Variants in EVC2 observed in about 807,000 individuals in gnomAD.
EVC2 encodes the protein limbin.
Under a neutral mutation model 149.3 loss-of-function variants are expected in EVC2, and 148 were observed. That is an observed-to-expected ratio of 0.99 (90% CI 0.87 to 1.14). The LOEUF (loss-of-function observed/expected upper bound fraction) is 1.14, where lower values mean the gene tolerates loss of function less well. Ranked by LOEUF, EVC2 falls within the 50% of genes most tolerant of loss-of-function variation. EVC2 has a pLI of 0.00. For missense variants in EVC2, 1,854 were observed against 1,627.3 expected, an observed-to-expected ratio of 1.14 and a Z score of -2.40; for synonymous variants, 776 against 649.9, an observed-to-expected ratio of 1.19 and a Z score of -2.95.
rs140553628 is a variant in EVC2 at position 5,581,435 on chromosome 4, G to A, written c.3057+3188C>T. 5.1e-3 allele frequency among the ~76,000 whole-genome samples: 771 copies of A among 152,306 alleles called. 8 individuals are homozygous for A. Among genetic ancestry groups the A allele is most frequent in the African/African-American group, 0.017 (725 of 41,554 alleles). ...TCAGATGGAGATGAGGAACTCATTGGGAACTGCAGTAAAGGTCACTTTTGC... is the reference window on the plus strand; with the variant it reads ...TCAGATGGAGATGAGGAACTCATTGAGAACTGCAGTAAAGGTCACTTTTGC... On this transcript the variant is annotated intron_variant, in intron 17 of 21. Transcript: ENST00000344408.
intron 4 of EVC2, among the ~76,000 whole-genome samples, chr4:5,690,345 C>T (rs1162760784): frequency 1.3e-5 from 2 of 152,064 alleles, no homozygotes; most frequent in Non-Finnish European, 2.9e-5. Context: ...TTGAGCAGCT[C>T]CTGAAAGATA....
chr4:5,609,507 A>G (rs534522819), intron 16 of EVC2, among the ~76,000 whole-genome samples: 27 of 152,346 alleles, frequency 1.8e-4, no homozygotes, highest in African/African-American at 6.3e-4. Flanking sequence ...AAAAGGTCAC[A>G]GATGACAAAT....
intron 16 of EVC2, among the ~76,000 whole-genome samples, chr4:5,596,439 G>C (rs1025712263): frequency 6.6e-6 from 1 of 151,982 alleles, no homozygotes; most frequent in Non-Finnish European, 1.5e-5. Flanking sequence ...TCAACTACAG[G>C]GAAACTGAAC....
intron 2 of EVC2, among the ~76,000 whole-genome samples, chr4:5,697,012 A>G (rs1038070907): frequency 6.6e-6 from 1 of 152,226 alleles, no homozygotes; most frequent in Non-Finnish European, 1.5e-5. Context: ...GACAGACAGA[A>G]GAGAAGAAGG....
chr4:5,668,221 T>C (rs1429898442), intron 7 of EVC2, among the ~76,000 whole-genome samples: 8 of 152,182 alleles, frequency 5.3e-5, no homozygotes, highest in Admixed American at 4.6e-4. Flanking sequence ...CAAGGTTACA[T>C]TTTTTCTGAC....
At chr4:5,615,286 C>T in intron 16 of EVC2, 136 bp downstream of exon 16, 7 of 1,425,088 alleles carry the variant, frequency 4.9e-6, no homozygotes, top group Non-Finnish European at 5.8e-6. Context: ...CTTACCTTAG[C>T]ACCTGAGTGA....
At chr4:5,610,794 CTT>C (rs10690279) in intron 16 of EVC2, among the ~76,000 whole-genome samples, 31 of 126,444 alleles carry the variant, frequency 2.5e-4, no homozygotes, top group Non-Finnish European at 2.6e-4. Flanking sequence ...TTTTCCTTTT[CTT>C]TTTTTTTTTT....
chr4:5,629,323 G>A (rs937234497), intron 11 of EVC2, among the ~76,000 whole-genome samples: 4 of 152,188 alleles, frequency 2.6e-5, no homozygotes, highest in African/African-American at 9.7e-5. Context: ...TCAACCTAGG[G>A]AGACAGTACT....
chr4:5,613,680 T>C lies in EVC2; in HGVS notation c.2829+1742A>G, dbSNP rs1191663183. Among the ~76,000 whole-genome samples the C allele has an allele frequency of 6.6e-6, 1 of 152,038 alleles. No individual in the cohort carries two copies. The highest frequency in any genetic ancestry group is 1.5e-5 in the Non-Finnish European group (1 of 68,038). On this transcript the variant is annotated intron_variant, in intron 16 of 21. Coordinates refer to ENST00000344408, the MANE Select transcript of EVC2 (RefSeq NM_147127.5). This position sits in a 1 kb window ranked among gnomAD's most constrained non-coding sequence, Gnocchi z 4.6. ...CTGTGATTGCTTGATGGAGTTTGTT[T>C]AATACTCAGGTAGTTTAGGAAGCCC...
At chr4:5,707,663 C>T (rs1280431781) in intron 1 of EVC2, among the ~76,000 whole-genome samples, 1 of 152,004 alleles carries the variant, frequency 6.6e-6, no homozygotes, top group Non-Finnish European at 1.5e-5. Flanking sequence ...GGGCAGACAT[C>T]CGAGCTGATT....
chr4:5,592,570 A>C (rs1712909491), intron 16 of EVC2, among the ~76,000 whole-genome samples: 1 of 152,320 alleles, frequency 6.6e-6, no homozygotes, highest in Middle Eastern at 3.4e-3. Context: ...GTGCCAGGGA[A>C]CAGCAGTCTC....
chr4:5,590,000 G>A (rs548383036), intron 16 of EVC2, among the ~76,000 whole-genome samples: 1 of 152,274 alleles, frequency 6.6e-6, no homozygotes, highest in Non-Finnish European at 1.5e-5. Context: ...AGGGGTCAGG[G>A]AAAGTCATGA....
intron 1 of EVC2, among the ~76,000 whole-genome samples, chr4:5,706,393 CATAGATAG>C (rs1280680864): frequency 1.0e-3 from 10 of 9,654 alleles, no homozygotes; most frequent in African/African-American, 4.2e-3. Context: ...TAGATAGATA[CATAGATAG>C]ATAGATAGAT....
chr4:5,690,960 T>C (rs1721081405), intron 4 of EVC2, among the ~76,000 whole-genome samples: 1 of 152,192 alleles, frequency 6.6e-6, no homozygotes, highest in Non-Finnish European at 1.5e-5. Flanking sequence ...TAAACAACTT[T>C]GAAAACTGTC....
intron 7 of EVC2, 41 bp from the exon 8 acceptor site, chr4:5,665,690 A>G: frequency 6.2e-7 from 1 of 1,609,904 alleles, no homozygotes; most frequent in Non-Finnish European, 8.5e-7. Context: ...GTGTGGTCAG[A>G]CAGCATGTCT....
rs144020823 is a variant in EVC2, at chr4:5,665,959, C to T, written c.871-310G>A. Among the ~76,000 whole-genome samples the T allele has an allele frequency of 9.2e-5, 14 of 152,276 alleles. No individual in the cohort carries two copies. The East Asian group carries it at 2.7e-3, about 29-fold the overall frequency. On this transcript the variant is annotated intron_variant, in intron 7 of 21. Coordinates refer to ENST00000344408, the MANE Select transcript of EVC2 (RefSeq NM_147127.5). ...GAATGTTAAGTTTCCAAATCAAAAA[C>T]ATGATAATCCAAAGGAAGCACTAGG...
intron 13 of EVC2, among the ~76,000 whole-genome samples, chr4:5,623,232 T>G (rs1715856450): frequency 6.6e-6 from 1 of 152,190 alleles, no homozygotes; most frequent in African/African-American, 2.4e-5. Flanking sequence ...ACCTCCTGGG[T>G]TCAAGCGATT....
intron 8 of EVC2, among the ~76,000 whole-genome samples, chr4:5,664,879 GCGTGTGGGTGATGGGGTA>G (rs1261763760): frequency 1.5e-3 from 234 of 152,174 alleles, no homozygotes; most frequent in African/African-American, 5.3e-3. Flanking sequence ...GTAATGGGCT[GCGTGTGGGTGATGGGGTA>G]CGTGTGGGTG....
rs749033945 is a variant in EVC2 at position 5,689,221 on chromosome 4, A to C, written c.642T>G (p.Ile214Met). 6.2e-7 allele frequency: 1 copy of C among 1,614,182 alleles called. No individual in the cohort carries two copies. The highest frequency in any genetic ancestry group is 2.2e-5 in the East Asian group (1 of 44,880). ...AGGTCCTGTTTCCCACAGAGTCCCAAATGGTGAGACCAGCAATGCTGTCCA... is the reference window on the plus strand; with the variant it reads ...AGGTCCTGTTTCCCACAGAGTCCCACATGGTGAGACCAGCAATGCTGTCCA... ...LLLDSIAGLT[I>M]WDSVGNRTSE... Residue 214 changes from isoleucine (I) to methionine (M), a missense_variant, in exon 5 of 22, where the codon ATT becomes ATG. Coordinates refer to ENST00000344408, the MANE Select transcript of EVC2 (RefSeq NM_147127.5).
Sources: allele counts gnomAD v4.1 joint callset (sites outside exome capture counted in the v4.1 genomes callset), GRCh38; gene constraint gnomAD v4.1.1; non-coding constraint Gnocchi (gnomAD v3.1); transcripts MANE v1.5; gene names NCBI Gene and HGNC (gene_info 2026-07-23, HGNC 2026-07-21).